The following AGO2 variants were observed in gnomAD, a reference collection of about 807,000 sequenced individuals.
The protein encoded by AGO2 is argonaute RISC catalytic component 2.
Under a neutral mutation model 102.3 loss-of-function variants are expected in AGO2, and 5 were observed. The observed-to-expected ratio is 0.05, with a 90% CI of 0.03 to 0.10. The LOEUF (loss-of-function observed/expected upper bound fraction) is 0.10, where lower values mean the gene tolerates loss of function less well. Among genes scored for constraint, AGO2 ranks in the 10% least tolerant of loss-of-function variants. AGO2 has a pLI of 1.00. For missense variants in AGO2, 541 were observed against 1,183.7 expected, an observed-to-expected ratio of 0.46 and a Z score of 7.97; for synonymous variants, 449 against 473.1, an observed-to-expected ratio of 0.95 and a Z score of 0.66.
intron 1 of AGO2, among the ~76,000 whole-genome samples, chr8:140,595,817 T>C (rs868748576): frequency 9.6e-5 from 1 of 10,426 alleles, no homozygotes; most frequent in African/African-American, 2.3e-4. Context: ...TTGTATATAT[T>C]ATATTTATAT....
chr8:140,537,191 G>A (rs1456614098), intron 16 of AGO2, among the ~76,000 whole-genome samples: 2 of 152,084 alleles, frequency 1.3e-5, no homozygotes. Flanking sequence ...GAAAGCTCCC[G>A]AGACTTCCTT....
chr8:140,598,333 G>C (rs183272144), intron 1 of AGO2, among the ~76,000 whole-genome samples: 111 of 152,346 alleles, frequency 7.3e-4, no homozygotes, highest in African/African-American at 2.5e-3. Flanking sequence ...ACAGGAAGCA[G>C]ACGTTTGCGT....
chr8:140,540,350 C>T lies in AGO2; in HGVS notation c.2034+814G>A, dbSNP rs1325566674. Among the ~76,000 whole-genome samples the T allele has an allele frequency of 6.6e-6, 1 of 152,214 alleles. No homozygotes were observed. Among genetic ancestry groups the T allele is most frequent in the Middle Eastern group, 3.4e-3 (1 of 294 alleles). On this transcript the variant is annotated intron_variant, in intron 15 of 18. Coordinates refer to ENST00000220592, the MANE Select transcript of AGO2 (RefSeq NM_012154.5). This position sits in a 1 kb window ranked among gnomAD's most constrained non-coding sequence, Gnocchi z 5.0. ...CCACGGAGGATGTCTTCCCACCCCA[C>T]TGGGTGGGGCTCCTCCCCCAACATG...
chr8:140,578,485 C>T (rs1437843860), intron 2 of AGO2, among the ~76,000 whole-genome samples: 3 of 152,210 alleles, frequency 2.0e-5, no homozygotes, highest in African/African-American at 7.2e-5. Context: ...GGACCCTGCT[C>T]GCGGAGTCCC....
Position 140,568,909 on chromosome 8 carries a change from C to T in AGO2, c.336+3903G>A, listed in dbSNP as rs75255860. On this transcript the variant is annotated intron_variant, in intron 3 of 18. Transcript: ENST00000220592. ...GGCTCATTCGAGGGGACCCTTGGCC[C>T]TGAGAGGTTGCAGGTCAGCCCCAAA... is the stretch of plus-strand genomic sequence containing the variant. Among the ~76,000 whole-genome samples, 300 of 152,294 alleles carry T rather than the reference C, an allele frequency of 2.0e-3. 2 individuals are homozygous for T. Among genetic ancestry groups the T allele is most frequent in the East Asian group, 0.016 (82 of 5,174 alleles).
intron 1 of AGO2, among the ~76,000 whole-genome samples, chr8:140,635,060 G>A (rs977613005): frequency 2.1e-4 from 31 of 148,938 alleles, no homozygotes; most frequent in Non-Finnish European, 4.0e-4. Context: ...GGGCTGCGGC[G>A]CCCCCATCCC....
At chr8:140,594,771 T>G (rs1329191462) in intron 1 of AGO2, among the ~76,000 whole-genome samples, 1 of 151,866 alleles carries the variant, frequency 6.6e-6, no homozygotes, top group Non-Finnish European at 1.5e-5. Flanking sequence ...ATCACACCTC[T>G]GCCCTCCAGC....
chr8:140,599,739 C>T (rs978553848), intron 1 of AGO2, among the ~76,000 whole-genome samples: 2 of 152,094 alleles, frequency 1.3e-5, no homozygotes, highest in Admixed American at 6.6e-5. Context: ...TGTTTTTCCC[C>T]GAGACAAGGT....
At chr8:140,626,191 C>T (rs1029506499) in intron 1 of AGO2, among the ~76,000 whole-genome samples, 15 of 152,172 alleles carry the variant, frequency 9.9e-5, no homozygotes, top group Admixed American at 2.6e-4. Flanking sequence ...CAAGAGCTGT[C>T]GGGGTCCGGC....
chr8:140,560,270 G>C (rs1299312816), intron 5 of AGO2, 104 bp downstream of exon 5: 2 of 1,494,272 alleles, frequency 1.3e-6, no homozygotes, highest in East Asian at 2.3e-5. Context: ...CTCTGACAGA[G>C]GCCATGCGTG....
At chr8:140,614,014 T>C (rs1398692176) in intron 1 of AGO2, among the ~76,000 whole-genome samples, 65 of 25,538 alleles carry the variant, frequency 2.5e-3, no homozygotes, top group African/African-American at 0.01. Flanking sequence ...AGACCCTGTC[T>C]CAAAAAAAAA....
rs1467557787 is a variant in AGO2, at chr8:140,562,559, C to T, written c.412G>A (p.Val138Met). 6 of 1,614,118 alleles carry T rather than the reference C, an allele frequency of 3.7e-6. No homozygotes were observed. The highest frequency in any genetic ancestry group is 5.1e-6 in the Non-Finnish European group (6 of 1,180,028). Residue 138 changes from valine (V) to methionine (M), a missense_variant, in exon 4 of 19, where the codon GTG (valine) becomes ATG (methionine). Val to Met is a conservative substitution (Grantham distance 21). Coordinates refer to ENST00000220592, the MANE Select transcript of AGO2 (RefSeq NM_012154.5). ...FKVSIKWVSC[V>M]SLQALHDALS... ...GCATCGTGTAACGCCTGCAAGCTCACGCAGGACACCCACTTGATGGACACC... is the reference window on the plus strand; with the variant it reads ...GCATCGTGTAACGCCTGCAAGCTCATGCAGGACACCCACTTGATGGACACC...
intron 2 of AGO2, among the ~76,000 whole-genome samples, chr8:140,581,126 G>C (rs1002608629): frequency 6.6e-6 from 1 of 152,260 alleles, no homozygotes; most frequent in African/African-American, 2.4e-5. Context: ...ATGTGGGCCA[G>C]GCACAGTGGC....
chr8:140,618,710 C>T (rs2074175389), intron 1 of AGO2, among the ~76,000 whole-genome samples: 1 of 151,234 alleles, frequency 6.6e-6, no homozygotes, highest in Non-Finnish European at 1.5e-5. Context: ...CACCTGCAGT[C>T]CCAGCTACCT....
chr8:140,560,171 C>T (rs1464569077), intron 5 of AGO2, among the ~76,000 whole-genome samples: 1 of 152,264 alleles, frequency 6.6e-6, no homozygotes, highest in Non-Finnish European at 1.5e-5. Flanking sequence ...GTGCGACCAT[C>T]TCGTGGCTTC....
In AGO2 at chr8:140,521,997, T is replaced by C. The variant is rs1169100109; in HGVS notation, c.*10047A>G. On this transcript the variant is annotated 3_prime_UTR_variant, in exon 19 of 19. Transcript: ENST00000220592. ...GTTTGTAAAATGTTAAATTTGCTCT[T>C]GGACATTTTTTTTTTTCTTTTCACA... The C allele has an allele frequency of 6.6e-6, 1 of 152,170 alleles. No individual in the cohort carries two copies. Among genetic ancestry groups the C allele is most frequent in the Non-Finnish European group, 1.5e-5 (1 of 68,032 alleles). 9.4% of individuals were successfully genotyped at this position (152,170 alleles called of 1,614,324 possible).
chr8:140,623,568 AG>A (rs1041215175), intron 1 of AGO2, among the ~76,000 whole-genome samples: 15 of 152,284 alleles, frequency 9.9e-5, no homozygotes, highest in African/African-American at 2.9e-4. Context: ...AGCAACATCC[AG>A]AAGGGCAGGG....
rs147109348 is a variant in AGO2 at position 140,552,263 on chromosome 8, C to T, written c.1270-827G>A. Among the ~76,000 whole-genome samples, 20 of 152,362 alleles carry T rather than the reference C, an allele frequency of 1.3e-4. No individual in the cohort carries two copies. The East Asian group carries it at 3.7e-3, about 28-fold the overall frequency. On this transcript the variant is annotated intron_variant, in intron 10 of 18. Transcript: ENST00000220592. ...GCAGCTGTGTCGGAAACGGGAGCTA[C>T]TTCCACTTGAGAAGAGAAAGGCGGG...
intron 1 of AGO2, among the ~76,000 whole-genome samples, chr8:140,614,058 C>T (rs1206629514): frequency 6.9e-6 from 1 of 144,828 alleles, no homozygotes; most frequent in Non-Finnish European, 1.5e-5. Flanking sequence ...CACGGTGGCT[C>T]ACGCCTGTAA....
Sources: gnomAD v4.1 joint callset for allele counts (sites outside exome capture counted in the v4.1 genomes callset) on GRCh38, gnomAD v4.1.1 for gene constraint, Gnocchi (gnomAD v3.1) non-coding constraint, MANE v1.5 for transcripts, NCBI Gene and HGNC (gene_info 2026-07-23, HGNC 2026-07-21) for gene names.